RGS6: variants seen among roughly 807,000 people sequenced by gnomAD.
RGS6 encodes the protein regulator of G protein signaling 6.
RGS6 carries 30 observed loss-of-function variants against 78.5 expected under a neutral mutation model. That is an observed-to-expected ratio of 0.38 (90% CI 0.29 to 0.52). The LOEUF (loss-of-function observed/expected upper bound fraction) is 0.52, where lower values mean the gene tolerates loss of function less well. Ranked by LOEUF, RGS6 falls within the 20% of genes least tolerant of loss-of-function variation. The probability of loss-of-function intolerance (pLI) is 0.85; values close to 1 mark genes in which losing one functional copy is unlikely to be tolerated. For missense variants in RGS6, 495 were observed against 609.7 expected, an observed-to-expected ratio of 0.81 and a Z score of 1.98; for synonymous variants, 206 against 206.0, an observed-to-expected ratio of 1.00 and a Z score of 0.00.
the RGS6 span, among the ~76,000 whole-genome samples, chr14:71,893,944 A>C: frequency 6.6e-6 from 1 of 152,212 alleles, no homozygotes; most frequent in African/African-American, 2.4e-5. Context: ...AATCAGACTT[A>C]GGAGGGGTCT....
intron 2 of RGS6, among the ~76,000 whole-genome samples, chr14:72,290,260 C>T (rs773225122): frequency 3.9e-5 from 6 of 152,208 alleles, no homozygotes; most frequent in Non-Finnish European, 7.3e-5. Context: ...TGTTTGGGCT[C>T]ATTCTCAAGA....
At chr14:72,431,226 C>T (rs2094618870) in intron 3 of RGS6, among the ~76,000 whole-genome samples, 2 of 152,182 alleles carry the variant, frequency 1.3e-5, no homozygotes, top group South Asian at 2.1e-4. Flanking sequence ...TCAATATGGA[C>T]TGTAACCACC....
At chr14:72,158,183 A>G (rs1403918833) in intron 2 of RGS6, among the ~76,000 whole-genome samples, 1 of 152,190 alleles carries the variant, frequency 6.6e-6, no homozygotes, top group African/African-American at 2.4e-5. Context: ...AGGCATCGGT[A>G]GGGCTGGTCC....
At chr14:72,523,865 A>G (rs1024146951) in intron 15 of RGS6, among the ~76,000 whole-genome samples, 1 of 152,054 alleles carries the variant, frequency 6.6e-6, no homozygotes, top group African/African-American at 2.4e-5. Flanking sequence ...TCTTTATGCT[A>G]TGGATTTAAT....
At chr14:72,184,482 C>G (rs975176476) in intron 2 of RGS6, among the ~76,000 whole-genome samples, 7 of 151,668 alleles carry the variant, frequency 4.6e-5, no homozygotes, top group African/African-American at 1.5e-4. Flanking sequence ...AAAATGGTAT[C>G]TTTGTTGAGA....
rs189147179 is a variant in RGS6, at chr14:72,238,903, C to T, written c.85-113192C>T. On this transcript the variant is annotated intron_variant, in intron 2 of 17. Transcript: ENST00000553525. ...AGTTGTCCCCCATCCGTGGTTTAGG[C>T]AGCCCGGTTGTTACCAGTGGAAGGT... 1.1e-3 allele frequency among the ~76,000 whole-genome samples: 163 copies of T among 152,312 alleles called. 2 individuals are homozygous for T. The highest frequency in any genetic ancestry group is 1.0e-4 in the Non-Finnish European group (7 of 68,028).
In RGS6 at chr14:72,314,571, C is replaced by T. The variant is rs77257949; in HGVS notation, c.85-37524C>T. Among the ~76,000 whole-genome samples the T allele has an allele frequency of 2.6e-3, 401 of 152,198 alleles. 2 individuals are homozygous for T. The highest frequency in any genetic ancestry group is 9.3e-3 in the African/African-American group (386 of 41,516). On this transcript the variant is annotated intron_variant, in intron 2 of 17. Transcript: ENST00000553525. ...GGGGAGACAGCTCTAGAGTGAAGCA[C>T]ACAACAGTATATACTTTATAGTGAC...
In RGS6 at chr14:72,476,795, C is replaced by A; in HGVS notation, c.747C>A (p.Leu249=). The change falls in exon 11 of 18, where the codon CTC becomes CTA. Residue 249 remains leucine (L), a synonymous_variant. Coordinates refer to ENST00000553525, the MANE Select transcript of RGS6 (RefSeq NM_001204424.2). ...AGGCACAGAGCCCGGTGCATGTACT[C>A]AGCCAACCAATCAGGAAAACAACAA... ...ESQAQSPVHV[L]SQPIRKTTKE... The A allele has an allele frequency of 6.2e-7, 1 of 1,614,188 alleles. No homozygotes were observed. Among genetic ancestry groups the A allele is most frequent in the South Asian group, 1.1e-5 (1 of 91,074 alleles).
chr14:71,947,548 G>A lies in RGS6; in HGVS notation c.-21+14607G>A, dbSNP rs557540186. 1.3e-5 allele frequency among the ~76,000 whole-genome samples: 2 copies of A among 152,190 alleles called. 1 individual carries two copies. The highest frequency in any genetic ancestry group is 4.1e-4 in the South Asian group (2 of 4,826). Reference sequence around the variant, plus strand: ...TGCCCAGGCTGGATTGCAGTGGCGTGGTGTTGGCTCCCTGCAGCCTTGACC... The same window carrying A: ...TGCCCAGGCTGGATTGCAGTGGCGTAGTGTTGGCTCCCTGCAGCCTTGACC... On this transcript the variant is annotated intron_variant, in intron 1 of 17. Coordinates refer to ENST00000553525, the MANE Select transcript of RGS6 (RefSeq NM_001204424.2).
chr14:71,976,208 TCTTTC>T (rs1222599739), intron 2 of RGS6, among the ~76,000 whole-genome samples: 2 of 151,218 alleles, frequency 1.3e-5, no homozygotes, highest in Admixed American at 6.6e-5. Flanking sequence ...ACTAACCTTT[TCTTTC>T]TTTTTTTTCT....
the RGS6 span, among the ~76,000 whole-genome samples, chr14:72,628,928 A>T: frequency 0.2 from 30,922 of 152,176 alleles, 4,288 homozygotes; most frequent in African/African-American, 0.39. Context: ...GCTATATGTA[A>T]GTTTATATGC....
chr14:72,454,440 A>G, intron 3 of RGS6, 88 bp from the exon 4 acceptor site: 2 of 1,357,162 alleles, frequency 1.5e-6, no homozygotes, highest in Non-Finnish European at 2.1e-6. Flanking sequence ...ACTGTTTGGA[A>G]TTAGGATTCT....
At chr14:72,061,808 G>A (rs1403702523) in intron 2 of RGS6, among the ~76,000 whole-genome samples, 2 of 152,144 alleles carry the variant, frequency 1.3e-5, no homozygotes, top group African/African-American at 4.8e-5. Context: ...TTATTTTTTA[G>A]TATGTGGGGA....
At chr14:71,903,256 C>T in the RGS6 span, among the ~76,000 whole-genome samples, 1 of 152,212 alleles carries the variant, frequency 6.6e-6, no homozygotes, top group Admixed American at 6.5e-5. Context: ...TACATGACCT[C>T]TTTTCCTAAC....
intron 2 of RGS6, among the ~76,000 whole-genome samples, chr14:72,348,064 G>T (rs17111047): frequency 0.057 from 8,629 of 152,288 alleles, 400 homozygotes; most frequent in East Asian, 0.26. Flanking sequence ...ATGGCGCTGC[G>T]AGAAGTTTCC....
chr14:71,877,590 A>C, the RGS6 span, among the ~76,000 whole-genome samples: 1 of 152,042 alleles, frequency 6.6e-6, no homozygotes, highest in African/African-American at 2.4e-5. Flanking sequence ...ATCTTTTTTC[A>C]AGGTTTTTAG....
intron 2 of RGS6, among the ~76,000 whole-genome samples, chr14:71,995,430 C>T (rs773995772): frequency 6.6e-6 from 1 of 152,206 alleles, no homozygotes; most frequent in African/African-American, 2.4e-5. Flanking sequence ...GAAGTGATTG[C>T]CTCTGCCTCA....
intron 2 of RGS6, among the ~76,000 whole-genome samples, chr14:72,035,704 A>G (rs2091596531): frequency 6.6e-6 from 1 of 152,148 alleles, no homozygotes; most frequent in African/African-American, 2.4e-5. Flanking sequence ...GGACATGCCC[A>G]AGAAAAACAT....
chr14:72,570,258 C>T (rs72726186), downstream of RGS6, among the ~76,000 whole-genome samples: 4,777 of 152,230 alleles, frequency 0.031, 126 homozygotes, highest in Non-Finnish European at 0.049. Flanking sequence ...GGAGGATGTG[C>T]TTTGGTTACA....
Sources: gnomAD v4.1 joint callset for allele counts (sites outside exome capture counted in the v4.1 genomes callset) on GRCh38, gnomAD v4.1.1 for gene constraint, MANE v1.5 for transcripts, NCBI Gene and HGNC (gene_info 2026-07-23, HGNC 2026-07-21) for gene names.